Variants in CORO2B observed in about 807,000 individuals in gnomAD.
CORO2B encodes the protein coronin-2B.
In CORO2B, 26 loss-of-function variants were observed where a neutral mutation model predicts 58.8. The observed-to-expected ratio is 0.44, with a 90% CI of 0.32 to 0.61. The LOEUF (loss-of-function observed/expected upper bound fraction) is 0.61, where lower values mean the gene tolerates loss of function less well. Ranked by LOEUF, CORO2B falls within the 20% of genes least tolerant of loss-of-function variation. CORO2B has a pLI of 0.04. For synonymous variants in CORO2B, 242 were observed against 253.8 expected (o/e 0.95, Z 0.44); for missense variants, 460 against 645.1 (o/e 0.71, Z 3.11).
intron 3 of CORO2B, among the ~76,000 whole-genome samples, chr15:68,703,014 A>G (rs998803749): frequency 6.7e-6 from 1 of 150,138 alleles, no homozygotes; most frequent in African/African-American, 2.5e-5. Flanking sequence ...TTTAGTAGAG[A>G]CGGGGTTTCA....
intron 3 of CORO2B, among the ~76,000 whole-genome samples, chr15:68,696,420 AC>A (rs1892511946): frequency 6.6e-6 from 1 of 151,648 alleles, no homozygotes; most frequent in Non-Finnish European, 1.5e-5. Context: ...GTGGTGGCGC[AC>A]CCCTGTAATC....
chr15:68,604,591 G>T (rs1900061713), intron 1 of CORO2B, among the ~76,000 whole-genome samples: 2 of 151,300 alleles, frequency 1.3e-5, no homozygotes, highest in Non-Finnish European at 2.9e-5. Flanking sequence ...GGAAAGGCTG[G>T]AGTCCTCTCT....
chr15:68,698,816 C>T (rs1411690972), intron 3 of CORO2B, among the ~76,000 whole-genome samples: 1 of 152,152 alleles, frequency 6.6e-6, no homozygotes, highest in African/African-American at 2.4e-5. Context: ...TCTATGCCTG[C>T]TCATCTCACT....
chr15:68,630,231 G>A lies in CORO2B; in HGVS notation c.16-14929G>A, dbSNP rs116053590. Among the ~76,000 whole-genome samples the A allele has an allele frequency of 7.5e-3, 1,144 of 152,304 alleles. 17 individuals carry two copies. Among genetic ancestry groups the A allele is most frequent in the African/African-American group, 0.026 (1,099 of 41,548 alleles). On this transcript the variant is annotated intron_variant, in intron 1 of 11. Coordinates refer to ENST00000261861, the MANE Select transcript of CORO2B (RefSeq NM_006091.5). ...CTCAGCAGTGTTGCTGGACCCAGGG[G>A]ATGCTGTGTGGGGTGGTCGTGTGCA...
At chr15:68,643,142 A>T (rs991860531) in intron 1 of CORO2B, among the ~76,000 whole-genome samples, 1 of 152,240 alleles carries the variant, frequency 6.6e-6, no homozygotes, top group Non-Finnish European at 1.5e-5. Context: ...AAGCAATTTA[A>T]AATAAACACA....
In CORO2B at chr15:68,710,896, G is replaced by A. The variant is rs1268006590; in HGVS notation, c.483+15G>A. The A allele has an allele frequency of 6.3e-7, 1 of 1,584,840 alleles. No individual in the cohort carries two copies. The highest frequency in any genetic ancestry group is 1.7e-5 in the Admixed American group (1 of 57,396). On this transcript the variant is annotated intron_variant, in intron 4 of 11. Transcript: ENST00000261861. This position sits in a 1 kb window ranked among gnomAD's most constrained non-coding sequence, Gnocchi z 4.1. ...ACGACTACAAGGTATGCAGTGGGCA[G>A]GCAGCTGGGTGGAGAGGGATTGGGG... is the stretch of plus-strand genomic sequence containing the variant.
chr15:68,570,799 G>GGT, the CORO2B span, among the ~76,000 whole-genome samples: 3 of 78,772 alleles, frequency 3.8e-5, no homozygotes, highest in Admixed American at 5.6e-4. Flanking sequence ...ACTACACGTA[G>GGT]TTTTTTTTTT....
At chr15:68,547,480 A>G in the CORO2B span, among the ~76,000 whole-genome samples, 2 of 152,022 alleles carry the variant, frequency 1.3e-5, no homozygotes, top group Non-Finnish European at 2.9e-5. Context: ...TGCCAGCACT[A>G]CTCATTATGC....
chr15:68,683,207 A>G (rs1424316642), intron 2 of CORO2B, among the ~76,000 whole-genome samples: 1 of 152,138 alleles, frequency 6.6e-6, no homozygotes, highest in Non-Finnish European at 1.5e-5. Context: ...GTTGGGATAG[A>G]TTCCTCTAGG....
At chr15:68,548,813 A>G in the CORO2B span, among the ~76,000 whole-genome samples, 8 of 152,224 alleles carry the variant, frequency 5.3e-5, no homozygotes, top group African/African-American at 1.9e-4. Context: ...TCATGTGCTT[A>G]TTGATGACTT....
At chr15:68,587,582 C>A (rs1402283180) in intron 1 of CORO2B, among the ~76,000 whole-genome samples, 1 of 152,200 alleles carries the variant, frequency 6.6e-6, no homozygotes, top group Non-Finnish European at 1.5e-5. Flanking sequence ...CTCAGCCTTT[C>A]ACCAGGTGCT....
chr15:68,577,215 A>G (rs1168508196), upstream of CORO2B, among the ~76,000 whole-genome samples: 2 of 152,186 alleles, frequency 1.3e-5, no homozygotes, highest in Non-Finnish European at 2.9e-5. Flanking sequence ...TGAAACTCAA[A>G]TAAGGCAGCA....
At chr15:68,522,968 G>A in the CORO2B span, among the ~76,000 whole-genome samples, 15 of 152,058 alleles carry the variant, frequency 9.9e-5, no homozygotes, top group African/African-American at 3.1e-4. Context: ...CTTCTATAGA[G>A]GGTTCATTCT....
At chr15:68,669,594 C>T (rs1243451057) in intron 2 of CORO2B, among the ~76,000 whole-genome samples, 1 of 152,098 alleles carries the variant, frequency 6.6e-6, no homozygotes, top group Non-Finnish European at 1.5e-5. Context: ...TTTCGTTGAG[C>T]TCAATGGGCA....
At chr15:68,662,497 G>A (rs1271729451) in intron 2 of CORO2B, among the ~76,000 whole-genome samples, 2 of 152,118 alleles carry the variant, frequency 1.3e-5, no homozygotes, top group Non-Finnish European at 2.9e-5. Context: ...GTCATTCAAG[G>A]TTTACACTAT....
the CORO2B span, among the ~76,000 whole-genome samples, chr15:68,550,172 G>C: frequency 0.037 from 5,646 of 152,144 alleles, 133 homozygotes; most frequent in Middle Eastern, 0.051. Flanking sequence ...GGAGAAACCC[G>C]CTTGCCTGGG....
chr15:68,712,241 G>A (rs1039941570), intron 5 of CORO2B, among the ~76,000 whole-genome samples: 34 of 152,198 alleles, frequency 2.2e-4, no homozygotes, highest in Admixed American at 2.0e-3. Context: ...TGGTCATGGG[G>A]AGAGATGGAA....
chr15:68,549,381 T>C, the CORO2B span, among the ~76,000 whole-genome samples: 2 of 152,220 alleles, frequency 1.3e-5, no homozygotes, highest in South Asian at 2.1e-4. Context: ...GGGGTTTTTT[T>C]TTAATTGGTT....
intron 1 of CORO2B, among the ~76,000 whole-genome samples, chr15:68,596,724 C>T (rs896384076): frequency 6.6e-6 from 1 of 152,184 alleles, no homozygotes; most frequent in Non-Finnish European, 1.5e-5. Flanking sequence ...CATCTTCAGG[C>T]CTTGGGGATG....
Sources: gnomAD v4.1 joint callset for allele counts (sites outside exome capture counted in the v4.1 genomes callset) on GRCh38, gnomAD v4.1.1 for gene constraint, Gnocchi (gnomAD v3.1) non-coding constraint, MANE v1.5 for transcripts, NCBI Gene and HGNC (gene_info 2026-07-23, HGNC 2026-07-21) for gene names.